The following CUX1 variants were observed in gnomAD, a reference collection of about 807,000 sequenced individuals.
The protein encoded by CUX1 is protein CASP.
In CUX1, 31 loss-of-function variants were observed where a neutral mutation model predicts 158.8. The observed-to-expected ratio is 0.20, with a 90% CI of 0.15 to 0.26. The LOEUF (loss-of-function observed/expected upper bound fraction) is 0.26. Ranked by LOEUF, CUX1 falls within the 10% of genes least tolerant of loss-of-function variation. The pLI, the probability that CUX1 is intolerant of heterozygous loss-of-function variation, is 1.00. For missense variants in CUX1, 1,589 were observed against 2,014.6 expected (o/e 0.79, Z 4.04); for synonymous variants, 879 against 862.1 (o/e 1.02, Z -0.34).
intron 1 of CUX1, among the ~76,000 whole-genome samples, chr7:101,913,635 G>C (rs1239672615): frequency 6.6e-6 from 1 of 152,018 alleles, no homozygotes; most frequent in African/African-American, 2.4e-5. Flanking sequence ...GTCGGGGCTG[G>C]GACCCCACCT....
intron 3 of CUX1, among the ~76,000 whole-genome samples, chr7:102,047,194 T>C (rs1405528214): frequency 6.6e-6 from 1 of 152,192 alleles, no homozygotes; most frequent in Non-Finnish European, 1.5e-5. Flanking sequence ...TAGCAAGATC[T>C]GTATCCCCAT....
intron 4 of CUX1, among the ~76,000 whole-genome samples, chr7:102,082,552 G>A (rs1827542962): frequency 6.8e-6 from 1 of 147,050 alleles, no homozygotes; most frequent in Admixed American, 6.9e-5. Context: ...ACAATGAAAT[G>A]CGCTCATTTC....
chr7:102,140,383 C>T (rs1386847646), intron 8 of CUX1, among the ~76,000 whole-genome samples: 2 of 152,104 alleles, frequency 1.3e-5, no homozygotes, highest in Non-Finnish European at 2.9e-5. Flanking sequence ...GTAGCTGGAA[C>T]TACAGGTGCA....
chr7:102,251,878 A>G lies in CUX1; in HGVS notation c.*2836A>G. On this transcript the variant is annotated 3_prime_UTR_variant, in exon 24 of 24. Transcript: ENST00000292535. Reference sequence around the variant, plus strand: ...GGTGTTAAATCTGAGGAAATTGACAAATACAGATTTGTCCATTCTAGTGGC... The same window carrying G: ...GGTGTTAAATCTGAGGAAATTGACAGATACAGATTTGTCCATTCTAGTGGC... The G allele has an allele frequency of 1.0e-6, 1 of 985,460 alleles. No individual in the cohort carries two copies. Among genetic ancestry groups the G allele is most frequent in the Non-Finnish European group, 1.2e-6 (1 of 829,932 alleles). 61.0% of individuals were successfully genotyped at this position (985,460 alleles called of 1,614,324 possible).
chr7:102,204,684 C>G (rs1795774054), intron 19 of CUX1, 128 bp downstream of exon 19: 1 of 1,233,446 alleles, frequency 8.1e-7, no homozygotes, highest in Non-Finnish European at 1.1e-6. Flanking sequence ...AACCACACTC[C>G]CCACCGTGGG....
chr7:101,991,683 C>T (rs1210402807), intron 2 of CUX1, among the ~76,000 whole-genome samples: 1 of 151,080 alleles, frequency 6.6e-6, no homozygotes. Flanking sequence ...CACTTGAACC[C>T]GGGAGGCAGA....
rs1801261965 is a variant in CUX1, at chr7:102,249,582, AATC to A, written c.*542_*544del. 1.0e-6 allele frequency: 1 copy of A among 985,720 alleles called. No homozygotes were observed. Among genetic ancestry groups the A allele is most frequent in the African/African-American group, 1.7e-5 (1 of 57,236 alleles). 61.1% of individuals were successfully genotyped at this position (985,720 alleles called of 1,614,324 possible). On this transcript the variant is annotated 3_prime_UTR_variant, in exon 24 of 24. Coordinates refer to ENST00000292535, the MANE Select transcript of CUX1 (RefSeq NM_181552.4). The stretch of plus-strand genomic sequence containing the variant: ...TCCGTGTGGGCTTTAAAAGAAAAAA[AATC>A]AAACCCACATATTAAAAGGGGGCTT...
At chr7:102,041,593 C>T (rs1822106075) in intron 3 of CUX1, among the ~76,000 whole-genome samples, 1 of 151,776 alleles carries the variant, frequency 6.6e-6, no homozygotes, top group African/African-American at 2.4e-5. Context: ...CCAAGTCTTC[C>T]CAAAATACCC....
Position 102,196,699 on chromosome 7 carries a change from C to A in CUX1, c.1288C>A (p.Pro430Thr), listed in dbSNP as rs200423314. 7.5e-6 allele frequency: 12 copies of A among 1,607,720 alleles called. No homozygotes were observed. Among genetic ancestry groups the A allele is most frequent in the East Asian group, 2.2e-5 (1 of 44,772 alleles). The change falls in exon 15 of 24, where the codon CCT becomes ACT. Residue 430 changes from proline to threonine, a missense_variant. Transcript: ENST00000292535. Reference protein sequence around the residue: ...SRRPGSLPAPPPSQLPRNPGE... With the variant: ...SRRPGSLPAPTPSQLPRNPGE... ...GCGCCCGGGATCTTTGCCGGCCCCC[C>A]CTCCTTCTCAGTTGCCCCGCAACCC... is the stretch of plus-strand genomic sequence containing the variant.
intron 1 of CUX1, among the ~76,000 whole-genome samples, chr7:101,865,684 G>T (rs769058827): frequency 6.6e-6 from 1 of 152,222 alleles, no homozygotes; most frequent in African/African-American, 2.4e-5. Flanking sequence ...AAGGGTGTGC[G>T]TGCACCCTGG....
rs375353021 is a variant in CUX1, at chr7:102,276,842, T to C, written c.1564-1107T>C. Among the ~76,000 whole-genome samples, 8 of 152,186 alleles carry C rather than the reference T, an allele frequency of 5.3e-5. 1 individual carries two copies. The highest frequency in any genetic ancestry group is 4.1e-4 in the South Asian group (2 of 4,822). On this transcript the variant is annotated intron_variant, in intron 17 of 22. Transcript: ENST00000292538. ...CTGCTGGCAGGTTTGGGGTTTCTTA[T>C]TGGGGTGATTTTAAATGTTCTGGAA...
intron 1 of CUX1, among the ~76,000 whole-genome samples, chr7:101,912,037 G>A (rs561219335): frequency 6.6e-6 from 1 of 152,196 alleles, no homozygotes; most frequent in South Asian, 2.1e-4. Context: ...CTGCTAGCCT[G>A]CCAGCTTCCC....
rs1474043342 is a variant in CUX1, at chr7:101,949,036, T to C, written c.141+32811T>C. 2.0e-5 allele frequency among the ~76,000 whole-genome samples: 3 copies of C among 152,232 alleles called. No homozygotes were observed. The East Asian group carries it at 5.8e-4, about 29-fold the overall frequency. Reference sequence around the variant, plus strand: ...TGACATCCAAGTGGCATTTTAATTTTATTTTATAAAGATCTGAGTCCACAA... The same window carrying C: ...TGACATCCAAGTGGCATTTTAATTTCATTTTATAAAGATCTGAGTCCACAA... On this transcript the variant is annotated intron_variant, in intron 2 of 23. Coordinates refer to ENST00000292535, the MANE Select transcript of CUX1 (RefSeq NM_181552.4).
Position 102,257,597 on chromosome 7 carries a change from GCTTGC to G in CUX1, c.*8560_*8564del. ...TGCGTTTGTGCAATAACTCTTTGCT[GCTTGC>G]CTTGAGAGCGGGTAGCACCACGCTC... On this transcript the variant is annotated 3_prime_UTR_variant, in exon 24 of 24. Transcript: ENST00000292535. The G allele has an allele frequency of 1.0e-6, 1 of 985,372 alleles. No homozygotes were observed. Among genetic ancestry groups the G allele is most frequent in the Non-Finnish European group, 1.2e-6 (1 of 829,930 alleles). The allele number at this position is 985,372 out of a possible 1,614,324, so 61.0% of individuals were successfully genotyped here.
Position 102,250,974 on chromosome 7 carries a change from AT to A in CUX1, c.*1941del, listed in dbSNP as rs199857640. ...ATAGATGATTTCGGTATATATATATATTTTTTTTTGCTTATTTATAGGTGCT... is the reference window on the plus strand; with the variant it reads ...ATAGATGATTTCGGTATATATATATATTTTTTTTGCTTATTTATAGGTGCT... On this transcript the variant is annotated 3_prime_UTR_variant, in exon 24 of 24. Coordinates refer to ENST00000292535, the MANE Select transcript of CUX1 (RefSeq NM_181552.4). 4.1e-4 allele frequency: 384 copies of A among 935,470 alleles called. No individual in the cohort carries two copies. Among genetic ancestry groups the A allele is most frequent in the African/African-American group, 2.3e-3 (128 of 55,830 alleles). 57.9% of individuals were successfully genotyped at this position (935,470 alleles called of 1,614,324 possible).
chr7:102,218,690 G>A (rs1421106104), intron 20 of CUX1, among the ~76,000 whole-genome samples: 1 of 151,272 alleles, frequency 6.6e-6, no homozygotes, highest in African/African-American at 2.4e-5. Flanking sequence ...CATGTCTCAA[G>A]AAAAAAATCA....
Position 101,817,777 on chromosome 7 carries a change from T to G in CUX1, c.30+108T>G. 1 of 1,385,022 alleles carries G rather than the reference T, an allele frequency of 7.2e-7. No individual in the cohort carries two copies. The highest frequency in any genetic ancestry group is 9.8e-7 in the Non-Finnish European group (1 of 1,024,238). 85.8% of individuals were successfully genotyped at this position (1,385,022 alleles called of 1,614,324 possible). On this transcript the variant is annotated intron_variant, in intron 1 of 23. Coordinates refer to ENST00000292535, the MANE Select transcript of CUX1 (RefSeq NM_181552.4). This position sits in a 1 kb window ranked among gnomAD's most constrained non-coding sequence, Gnocchi z 4.1. Reference sequence around the variant, plus strand: ...CTTAGAATGCTCTAGGGCGGCCTGGTGCTCTGGGAGGGGATAGGAGGGTTC... The same window carrying G: ...CTTAGAATGCTCTAGGGCGGCCTGGGGCTCTGGGAGGGGATAGGAGGGTTC...
At chr7:102,122,587 G>C (rs1157498114) in intron 8 of CUX1, among the ~76,000 whole-genome samples, 1 of 152,124 alleles carries the variant, frequency 6.6e-6, no homozygotes, top group Non-Finnish European at 1.5e-5. Flanking sequence ...CCATGACCTG[G>C]TGTCTCCCCA....
rs140042768 is a variant in CUX1 at position 101,922,153 on chromosome 7, A to T, written c.141+5928A>T. Among the ~76,000 whole-genome samples, 623 of 152,328 alleles carry T rather than the reference A, an allele frequency of 4.1e-3. 14 individuals are homozygous for T. The highest frequency in any genetic ancestry group is 0.038 in the Admixed American group (579 of 15,302). ...AATTGGTTTGTAATAACAATTAATCATCTTACAAATATTTATTGAACACCT... is the reference window on the plus strand; with the variant it reads ...AATTGGTTTGTAATAACAATTAATCTTCTTACAAATATTTATTGAACACCT... On this transcript the variant is annotated intron_variant, in intron 2 of 23. Coordinates refer to ENST00000292535, the MANE Select transcript of CUX1 (RefSeq NM_181552.4).
Sources: gnomAD v4.1 joint callset for allele counts (sites outside exome capture counted in the v4.1 genomes callset) on GRCh38, gnomAD v4.1.1 for gene constraint, Gnocchi (gnomAD v3.1) non-coding constraint, MANE v1.5 for transcripts, NCBI Gene and HGNC (gene_info 2026-07-23, HGNC 2026-07-21) for gene names.